The following PAQR3 variants were observed in gnomAD, a reference collection of about 807,000 sequenced individuals.
PAQR3 encodes the protein progestin and adipoQ receptor family member 3, also known as Raf kinase trapping to Golgi.
Under a neutral mutation model 41.7 loss-of-function variants are expected in PAQR3, and 39 were observed. The ratio of observed to expected loss-of-function variants is 0.93; its 90% confidence interval spans 0.72 to 1.22. The LOEUF is 1.22. Among genes scored for constraint, PAQR3 ranks in the 50% most tolerant of loss-of-function variants. PAQR3 has a pLI of 0.00. For synonymous variants in PAQR3, 140 were observed against 140.6 expected (o/e 1.00, Z 0.03); for missense variants, 366 against 385.6 (o/e 0.95, Z 0.42).
intron 5 of PAQR3, 115 bp downstream of exon 5, chr4:78,923,742 C>T (rs1646558183): frequency 1.3e-6 from 1 of 742,694 alleles, no homozygotes; most frequent in Admixed American, 2.7e-5. Flanking sequence ...AGAGAGGAAT[C>T]ATTTCCATAA....
Position 78,930,154 on chromosome 4 carries a change from G to GC in PAQR3, c.504+15_504+16insG. 1 of 1,588,414 alleles carries GC rather than the reference G, an allele frequency of 6.3e-7. No homozygotes were observed. The highest frequency in any genetic ancestry group is 8.5e-7 in the Non-Finnish European group (1 of 1,170,086). ...CAATATGAAAGGTCGAATGTAAAAT[G>GC]TTTTCATCTACTTACGTTATTACAA... On this transcript the variant is annotated intron_variant, in intron 3 of 5. Coordinates refer to ENST00000512733, the MANE Select transcript of PAQR3 (RefSeq NM_001040202.2).
In PAQR3 at chr4:78,935,140, A is replaced by G. The variant is rs563189398; in HGVS notation, c.329T>C (p.Ile110Thr). 1 of 1,613,348 alleles carries G rather than the reference A, an allele frequency of 6.2e-7. No individual in the cohort carries two copies. The highest frequency in any genetic ancestry group is 1.3e-5 in the African/African-American group (1 of 75,018). Residue 110 changes from isoleucine (I) to threonine (T), a missense_variant, in exon 2 of 6, where the codon ATT becomes ACT. Transcript: ENST00000512733. The stretch of plus-strand genomic sequence containing the variant: ...ACTTACCTGGAAGCAGAAAAGACAA[A>G]TAGAACAAATTACAAAATCTTCTCT... Reference protein sequence around the residue: ...ASREDFVICSICLFCFQVCML... With the variant: ...ASREDFVICSTCLFCFQVCML...
intron 2 of PAQR3, chr4:78,933,374 G>A (rs1436189114): frequency 2.4e-6 from 1 of 422,458 alleles, no homozygotes; most frequent in East Asian, 7.1e-5. Context: ...ACATTCTATT[G>A]TTCAGAATGT....
chr4:78,912,197 C>T lies in PAQR3; in HGVS notation c.*8342G>A, dbSNP rs947187326. 8 of 665,458 alleles carry T rather than the reference C, an allele frequency of 1.2e-5. No individual in the cohort carries two copies. Among genetic ancestry groups the T allele is most frequent in the Admixed American group, 9.3e-5 (3 of 32,404 alleles). The allele number at this position is 665,458 out of a possible 1,614,324, so 41.2% of individuals were successfully genotyped here. On this transcript the variant is annotated 3_prime_UTR_variant, in exon 6 of 6. Coordinates refer to ENST00000512733, the MANE Select transcript of PAQR3 (RefSeq NM_001040202.2). ...CAAATAGAAGAATGAAGTATCTCTA[C>T]AGGGTAGTAACTTGATTCCTCTTCA...
rs1306764828 is a variant in PAQR3, at chr4:78,899,432, C to T, written c.*836+6676G>A. ...GGGGCACTGGAATCTTTTTAGTAGG[C>T]ATTTAGACACAAAAGAAGACATCCA... is the stretch of plus-strand genomic sequence containing the variant. On this transcript the variant is annotated intron_variant and NMD_transcript_variant, in intron 11 of 12. Transcript: ENST00000342820. Among the ~76,000 whole-genome samples the T allele has an allele frequency of 2.6e-5, 4 of 152,140 alleles. No individual in the cohort carries two copies. In the East Asian group the frequency reaches 7.7e-4, roughly 29 times the overall value.
rs768972589 is a variant in PAQR3, at chr4:78,923,841, TAA to T, written c.793+14_793+15del. On this transcript the variant is annotated intron_variant, in intron 5 of 5. Transcript: ENST00000512733. ...TTAGACTAACAATACAAAACTGCTA[TAA>T]AAGAGATACCTACCTGGAAAGTACC... 8.3e-6 allele frequency: 13 copies of T among 1,557,028 alleles called. No homozygotes were observed. The African/African-American group carries it at 1.1e-4, about 13-fold the overall frequency.
rs1203620705 is a variant in PAQR3, at chr4:78,920,456, T to C, written c.*83A>G. 1.3e-5 allele frequency: 18 copies of C among 1,432,118 alleles called. No individual in the cohort carries two copies. The highest frequency in any genetic ancestry group is 3.9e-4 in the Middle Eastern group (2 of 5,150). 88.7% of individuals were successfully genotyped at this position (1,432,118 alleles called of 1,614,324 possible). ...TTAAAAAGGAAAAAGGGAAAACTAA[T>C]GGGAATCTTAGAAATAGTGGGGTAT... On this transcript the variant is annotated 3_prime_UTR_variant, in exon 6 of 6. Coordinates refer to ENST00000512733, the MANE Select transcript of PAQR3 (RefSeq NM_001040202.2).
chr4:78,920,821 G>A (rs115845694), intron 5 of PAQR3, 140 bp from the exon 6 acceptor site: 26,339 of 864,362 alleles, frequency 0.03, 532 homozygotes, highest in Non-Finnish European at 0.036. Context: ...AGCTCCAAAC[G>A]TTTTTAGAAA....
intron 2 of PAQR3, among the ~76,000 whole-genome samples, chr4:78,931,189 A>T (rs1467792339): frequency 1.4e-5 from 2 of 148,032 alleles, no homozygotes; most frequent in Non-Finnish European, 1.5e-5. Context: ...ATTTCTTAAA[A>T]AAAAAAAAAA....
In PAQR3 at chr4:78,923,879, T is replaced by G. The variant is rs1735915106; in HGVS notation, c.771A>C (p.Lys257Asn). ...ALLAFLFYIS[K>N]VPERYFPGQL... The stretch of plus-strand genomic sequence containing the variant: ...TACCTGGAAAGTACCGCTCTGGGAC[T>G]TTGGAAATGTAGAATAGGAAAGCAA... The change falls in exon 5 of 6, where the codon AAA becomes AAC. Residue 257 changes from lysine (K) to asparagine (N), a missense_variant. Transcript: ENST00000512733. The G allele has an allele frequency of 6.2e-7, 1 of 1,612,618 alleles. No individual in the cohort carries two copies. The highest frequency in any genetic ancestry group is 1.3e-5 in the African/African-American group (1 of 74,846).
rs576080480 is a variant in PAQR3, at chr4:78,912,464, C to T, written c.*8075G>A. On this transcript the variant is annotated 3_prime_UTR_variant, in exon 6 of 6. Transcript: ENST00000512733. ...TACACTTGTGAATTTTTTTTAAGGTCTCTTTTAATTTCCAGACAGTTAAAA... is the reference window on the plus strand; with the variant it reads ...TACACTTGTGAATTTTTTTTAAGGTTTCTTTTAATTTCCAGACAGTTAAAA... 1 of 156,574 alleles carries T rather than the reference C, an allele frequency of 6.4e-6. No individual in the cohort carries two copies. Among genetic ancestry groups the T allele is most frequent in the Admixed American group, 6.3e-5 (1 of 15,910 alleles). The allele number at this position is 156,574 out of a possible 1,614,324, so 9.7% of individuals were successfully genotyped here.
intron 11 of PAQR3, among the ~76,000 whole-genome samples, chr4:78,901,981 C>T (rs943785816): frequency 1.3e-5 from 2 of 152,106 alleles, no homozygotes; most frequent in African/African-American, 4.8e-5. Flanking sequence ...GAAACATTAC[C>T]TTACATAGAG....
chr4:78,900,376 C>T (rs77833636), intron 11 of PAQR3, among the ~76,000 whole-genome samples: 4,353 of 152,172 alleles, frequency 0.029, 231 homozygotes, highest in African/African-American at 0.1. Flanking sequence ...GTTGATACCT[C>T]TAATCCCCTC....
At chr4:78,938,768 A>G (rs1737710957) in intron 1 of PAQR3, among the ~76,000 whole-genome samples, 1 of 152,008 alleles carries the variant, frequency 6.6e-6, no homozygotes, top group Admixed American at 6.6e-5. Context: ...CAAACCGAAT[A>G]AAGGATGTAA....
intron 11 of PAQR3, among the ~76,000 whole-genome samples, chr4:78,902,532 A>T (rs140897432): frequency 6.6e-6 from 1 of 152,148 alleles, no homozygotes; most frequent in Non-Finnish European, 1.5e-5. Flanking sequence ...CTGCCAATTC[A>T]AAGTGAACTT....
At chr4:78,908,677 A>C (rs1734406850), downstream of PAQR3, among the ~76,000 whole-genome samples, 1 of 152,190 alleles carries the variant, frequency 6.6e-6, no homozygotes, top group Non-Finnish European at 1.5e-5. Context: ...TCTCACACAT[A>C]TGTCAAGCTT....
At position 78,916,816 on chromosome 4, in the gene PAQR3, A is replaced by G. The variant is rs1578000013; in HGVS notation, c.*3723T>C. On this transcript the variant is annotated 3_prime_UTR_variant, in exon 6 of 6. Transcript: ENST00000512733. ...CAATTATATCAGAAAAGAGGCTATG[A>G]CACATTAAAGAGAAAACCTATTTAT... The G allele has an allele frequency of 6.6e-6, 1 of 151,934 alleles. No homozygotes were observed. Among genetic ancestry groups the G allele is most frequent in the East Asian group, 1.9e-4 (1 of 5,198 alleles). 9.4% of individuals were successfully genotyped at this position (151,934 alleles called of 1,614,324 possible).
intron 11 of PAQR3, among the ~76,000 whole-genome samples, chr4:78,902,723 T>C (rs1015416199): frequency 6.6e-6 from 1 of 152,118 alleles, no homozygotes; most frequent in Non-Finnish European, 1.5e-5. Context: ...ACCTGTTTTA[T>C]AACTAAAAGA....
intron 1 of PAQR3, among the ~76,000 whole-genome samples, chr4:78,938,412 G>C (rs571612362): frequency 6.6e-6 from 1 of 152,126 alleles, no homozygotes; most frequent in Admixed American, 6.5e-5. Context: ...GTGGAGACTG[G>C]GTGCCCGTTA....
Sources: allele counts gnomAD v4.1 joint callset (sites outside exome capture counted in the v4.1 genomes callset), GRCh38; gene constraint gnomAD v4.1.1; transcripts MANE v1.5; gene names NCBI Gene and HGNC (gene_info 2026-07-23, HGNC 2026-07-21).